Variants in CSMD1 observed in about 807,000 individuals in gnomAD.
CSMD1 encodes the protein CUB and Sushi multiple domains 1, also known as CUB and sushi domain-containing protein 1.
Under a neutral mutation model 417.5 loss-of-function variants are expected in CSMD1, and 213 were observed. That is an observed-to-expected ratio of 0.51 (90% CI 0.46 to 0.57). CSMD1 has a LOEUF of 0.57. CSMD1 is among the 20% of genes least tolerant of loss of function. The pLI, the probability that CSMD1 is intolerant of heterozygous loss-of-function variation, is 0.00. For missense variants in CSMD1, 6,923 were observed against 4,529.7 expected (o/e 1.53, Z -15.17); for synonymous variants, 2,862 against 1,736.8 (o/e 1.65, Z -16.11).
chr8:3,204,770 T>G lies in CSMD1; in HGVS notation c.4984+734A>C, dbSNP rs77289125. Among the ~76,000 whole-genome samples the G allele has an allele frequency of 5.0e-3, 758 of 152,332 alleles. 18 individuals carry two copies. Among genetic ancestry groups the G allele is most frequent in the East Asian group, 0.049 (255 of 5,186 alleles). On this transcript the variant is annotated intron_variant, in intron 31 of 69. Coordinates refer to ENST00000635120, the MANE Select transcript of CSMD1 (RefSeq NM_033225.6). ...CAGACATAAATAAAAACCTTGACTA[T>G]GTAGCGTTTTCAATTTTCCTATTGG...
Position 2,999,281 on chromosome 8 carries a change from T to C in CSMD1, c.8203+677A>G, listed in dbSNP as rs990001342. 4.2e-4 allele frequency among the ~76,000 whole-genome samples: 63 copies of C among 151,006 alleles called. No individual in the cohort carries two copies. In the East Asian group the frequency reaches 0.01, roughly 24 times the overall value. On this transcript the variant is annotated intron_variant, in intron 53 of 69. Coordinates refer to ENST00000635120, the MANE Select transcript of CSMD1 (RefSeq NM_033225.6). ...GCAATTCTCCTGCTTCAGCCCCTCC[T>C]AGTAGCTGGGATTACAGATGTATGC...
chr8:4,527,957 G>T (rs904274805), intron 2 of CSMD1, among the ~76,000 whole-genome samples: 1 of 152,136 alleles, frequency 6.6e-6, no homozygotes, highest in Non-Finnish European at 1.5e-5. Flanking sequence ...AGGGCACTCT[G>T]GATTGTATTC....
At chr8:3,994,282 A>G (rs1337788959) in intron 5 of CSMD1, among the ~76,000 whole-genome samples, 1 of 152,038 alleles carries the variant, frequency 6.6e-6, no homozygotes, top group Non-Finnish European at 1.5e-5. Flanking sequence ...AAGGGAGTAA[A>G]TGCTCCCTCA....
chr8:3,156,883 G>T (rs922007827), intron 39 of CSMD1, among the ~76,000 whole-genome samples: 2 of 151,472 alleles, frequency 1.3e-5, no homozygotes, highest in Non-Finnish European at 2.9e-5. Flanking sequence ...AAGAATCACA[G>T]GGGAGGATAC....
rs550301248 is a variant in CSMD1 at position 3,732,179 on chromosome 8, C to T, written c.931+21751G>A. On this transcript the variant is annotated intron_variant, in intron 6 of 69. Transcript: ENST00000635120. ...AGTTCAGGTCACTCGTGGTGGTTGCCTTGGGAACAGAGTCTTTCCGAGAGG... is the reference window on the plus strand; with the variant it reads ...AGTTCAGGTCACTCGTGGTGGTTGCTTTGGGAACAGAGTCTTTCCGAGAGG... 3.3e-5 allele frequency among the ~76,000 whole-genome samples: 5 copies of T among 152,298 alleles called. No individual in the cohort carries two copies. In the South Asian group the frequency reaches 1.0e-3, roughly 32 times the overall value.
At chr8:3,848,917 A>G (rs62482672) in intron 5 of CSMD1, among the ~76,000 whole-genome samples, 438 of 151,038 alleles carry the variant, frequency 2.9e-3, no homozygotes, top group Admixed American at 4.0e-3. Context: ...TAGATATCAT[A>G]TACATATATC....
intron 4 of CSMD1, 127 bp downstream of exon 4, chr8:4,031,778 G>C (rs3866473): frequency 0.28 from 173,698 of 615,742 alleles, 25,841 homozygotes; most frequent in South Asian, 0.34. Context: ...GGAGCAGAAT[G>C]AGCTGACATT....
chr8:3,489,402 G>A (rs569509098), intron 11 of CSMD1, among the ~76,000 whole-genome samples: 8 of 152,154 alleles, frequency 5.3e-5, no homozygotes, highest in Admixed American at 3.9e-4. Context: ...GCCACCCACA[G>A]AACGTCCTGA....
At chr8:4,130,088 G>A (rs995032193) in intron 3 of CSMD1, among the ~76,000 whole-genome samples, 3 of 152,082 alleles carry the variant, frequency 2.0e-5, no homozygotes, top group Non-Finnish European at 2.9e-5. Context: ...TGTGTGAGAG[G>A]AGGGCTAGGG....
intron 5 of CSMD1, among the ~76,000 whole-genome samples, chr8:3,982,160 AAAT>A (rs534030179): frequency 0.31 from 28,091 of 89,346 alleles, 2,922 homozygotes; most frequent in African/African-American, 0.41. Flanking sequence ...TCTATCTCAA[AAAT>A]AATAATAATA....
rs569952342 is a variant in CSMD1, at chr8:3,387,575, G to A, written c.2701C>T (p.Pro901Ser). ...TCGTCGTCACTTAGTGTGTACCCCG[G>A]GTCACAGCTGAAAGTCACTGTGGAC... Reference protein sequence around the residue: ...IRSTVTFSCDPGYTLSDDEPL... With the variant: ...IRSTVTFSCDSGYTLSDDEPL... Residue 901 changes from proline (P) to serine (S), a missense_variant, in exon 18 of 70, where the codon CCG (proline) becomes TCG (serine). By Grantham distance (74) the Pro-to-Ser change is moderately conservative (BLOSUM62 -1). Transcript: ENST00000635120. 14 of 1,600,954 alleles carry A rather than the reference G, an allele frequency of 8.7e-6. No homozygotes were observed. In the South Asian group the frequency reaches 1.1e-4, roughly 13 times the overall value.
At chr8:3,417,747 C>G (rs1034408171) in intron 12 of CSMD1, among the ~76,000 whole-genome samples, 1 of 152,156 alleles carries the variant, frequency 6.6e-6, no homozygotes, top group South Asian at 2.1e-4. Flanking sequence ...GACTTTCACT[C>G]AGAAATCCCT....
intron 5 of CSMD1, among the ~76,000 whole-genome samples, chr8:3,847,796 G>A (rs1350532498): frequency 6.6e-6 from 1 of 152,056 alleles, no homozygotes; most frequent in Non-Finnish European, 1.5e-5. Context: ...AAATATAGTT[G>A]GGTGCCAATA....
intron 2 of CSMD1, among the ~76,000 whole-genome samples, chr8:4,542,292 C>T (rs1024546238): frequency 1.5e-4 from 23 of 151,944 alleles, no homozygotes; most frequent in Admixed American, 9.8e-4. Flanking sequence ...CAACAAAACC[C>T]ATGAATATGT....
intron 2 of CSMD1, among the ~76,000 whole-genome samples, chr8:4,453,690 C>T (rs1461995442): frequency 2.0e-5 from 3 of 152,026 alleles, no homozygotes; most frequent in East Asian, 1.9e-4. Flanking sequence ...ACAGACCATG[C>T]CTGCTTGGGT....
chr8:4,259,829 T>A (rs1266856376), intron 3 of CSMD1, among the ~76,000 whole-genome samples: 1 of 152,226 alleles, frequency 6.6e-6, no homozygotes, highest in African/African-American at 2.4e-5. Flanking sequence ...ACATTACTCA[T>A]AATATTGTTT....
chr8:3,067,206 T>A (rs535551068), intron 49 of CSMD1, among the ~76,000 whole-genome samples: 1 of 152,244 alleles, frequency 6.6e-6, no homozygotes, highest in East Asian at 1.9e-4. Context: ...CCAGGCCCCA[T>A]GCGTGAGACA....
chr8:3,242,226 G>A (rs891428683), intron 26 of CSMD1, among the ~76,000 whole-genome samples: 17 of 151,870 alleles, frequency 1.1e-4, no homozygotes, highest in Non-Finnish European at 2.2e-4. Context: ...GAGGGGAGGT[G>A]ATAAAAGGAT....
intron 3 of CSMD1, among the ~76,000 whole-genome samples, chr8:4,394,445 C>T (rs1418528455): frequency 6.6e-6 from 1 of 152,102 alleles, no homozygotes; most frequent in Non-Finnish European, 1.5e-5. Context: ...ATTTTTAGTA[C>T]TGAGTCTTTG....
Sources: gnomAD v4.1 joint callset for allele counts (sites outside exome capture counted in the v4.1 genomes callset) on GRCh38, gnomAD v4.1.1 for gene constraint, MANE v1.5 for transcripts, NCBI Gene and HGNC (gene_info 2026-07-23, HGNC 2026-07-21) for gene names.